Variants in UBE3A observed in about 807,000 individuals in gnomAD.
UBE3A encodes ubiquitin-protein ligase E3A.
UBE3A carries 6 observed loss-of-function variants against 83.4 expected under a neutral mutation model. That is an observed-to-expected ratio of 0.07 (90% CI 0.04 to 0.14). The LOEUF (loss-of-function observed/expected upper bound fraction) is 0.14. Ranked by LOEUF, UBE3A falls within the 10% of genes least tolerant of loss-of-function variation. The pLI is 1.00. For synonymous variants in UBE3A, 337 were observed against 355.4 expected (o/e 0.95, Z 0.58); for missense variants, 456 against 1,036.1 (o/e 0.44, Z 7.69).
intron 1 of UBE3A, among the ~76,000 whole-genome samples, chr15:25,423,984 GTCTACCAA>G (rs1194049715): frequency 6.6e-6 from 1 of 152,146 alleles, no homozygotes; most frequent in East Asian, 1.9e-4. Flanking sequence ...TGTACTAATG[GTCTACCAA>G]TTGGTCTGTT....
Position 25,361,585 on chromosome 15 carries a change from T to C in UBE3A, c.1609-1058A>G, listed in dbSNP as rs569662733. ...ACTAGATTCCAATATTAACTGTTTA[T>C]ACTGCATTTTGTTTGTTTTACTTTA... On this transcript the variant is annotated intron_variant, in intron 6 of 12. Coordinates refer to ENST00000648336, the MANE Select transcript of UBE3A (RefSeq NM_130839.5). Among the ~76,000 whole-genome samples, 653 of 152,330 alleles carry C rather than the reference T, an allele frequency of 4.3e-3. 2 individuals are homozygous for C. Among genetic ancestry groups the C allele is most frequent in the African/African-American group, 0.015 (632 of 41,576 alleles).
At chr15:25,427,310 CT>C (rs1891607651) in intron 1 of UBE3A, among the ~76,000 whole-genome samples, 1 of 151,862 alleles carries the variant, frequency 6.6e-6, no homozygotes, top group Admixed American at 6.6e-5. Flanking sequence ...AAGAAAGACT[CT>C]CAAGGAAGGC....
rs1595339512 is a variant in UBE3A at position 25,337,191 on chromosome 15, T to C, written c.*1946A>G. 6.6e-6 allele frequency: 1 copy of C among 152,304 alleles called. No homozygotes were observed. Among genetic ancestry groups the C allele is most frequent in the East Asian group, 1.9e-4 (1 of 5,188 alleles). 9.4% of individuals were successfully genotyped at this position (152,304 alleles called of 1,614,324 possible). ...TTGTCATATGGATACGTTATTACAA[T>C]TGTAGAACTTTAATAAATACCATAA... On this transcript the variant is annotated 3_prime_UTR_variant, in exon 13 of 13. Coordinates refer to ENST00000648336, the MANE Select transcript of UBE3A (RefSeq NM_130839.5).
rs1453158915 is a variant in UBE3A at position 25,364,035 on chromosome 15, C to CAAA, written c.1609-3509_1609-3508insTTT. Among the ~76,000 whole-genome samples the CAAA allele has an allele frequency of 4.6e-4, 22 of 47,752 alleles. No homozygotes were observed. The East Asian group carries it at 8.4e-3, about 18-fold the overall frequency. 31.3% of individuals were successfully genotyped at this position (47,752 alleles called of 152,430 possible). A position where few individuals can be genotyped will look rare whatever the true frequency, so the allele number is the denominator to read the frequency against. The stretch of plus-strand genomic sequence containing the variant: ...GATGAAACCTTGTTTCTACAAAAAA[C>CAAA]TAATAAATAAATAAATAAATAAATA... On this transcript the variant is annotated intron_variant, in intron 6 of 12. Transcript: ENST00000648336.
At chr15:25,408,482 A>G in intron 3 of UBE3A, 1 of 1,178,380 alleles carries the variant, frequency 8.5e-7, no homozygotes, top group Non-Finnish European at 1.2e-6. Flanking sequence ...ATAACCAAAT[A>G]ACATTGGATA....
rs1011038694 is a variant in UBE3A at position 25,396,022 on chromosome 15, G to A, written c.62+9439C>T. Among the ~76,000 whole-genome samples, 5 of 152,156 alleles carry A rather than the reference G, an allele frequency of 3.3e-5. No homozygotes were observed. The East Asian group carries it at 9.7e-4, about 30-fold the overall frequency. On this transcript the variant is annotated intron_variant, in intron 4 of 12. Coordinates refer to ENST00000648336, the MANE Select transcript of UBE3A (RefSeq NM_130839.5). The stretch of plus-strand genomic sequence containing the variant: ...GTTCAAGACCAGCCTGGCCAATATG[G>A]TGAAACTCTGTCTCTACTAAAAATA...
intron 9 of UBE3A, 110 bp downstream of exon 9, chr15:25,355,782 T>C (rs1440125497): frequency 6.3e-6 from 7 of 1,106,300 alleles, no homozygotes; most frequent in Non-Finnish European, 9.1e-6. Flanking sequence ...ACTTAGTTAC[T>C]TGTTTTTTTT....
chr15:25,408,838 C>A, intron 3 of UBE3A: 1 of 806,278 alleles, frequency 1.2e-6, no homozygotes, highest in Non-Finnish European at 1.8e-6. Flanking sequence ...ATGTTTAAAA[C>A]CTTGAAGTTT....
intron 8 of UBE3A, among the ~76,000 whole-genome samples, chr15:25,356,265 C>G (rs2077196317): frequency 6.6e-6 from 1 of 151,756 alleles, no homozygotes; most frequent in Admixed American, 6.6e-5. Flanking sequence ...GCTGAGAAAC[C>G]CCATACCACC....
chr15:25,432,027 G>C (rs1399325668), intron 1 of UBE3A, among the ~76,000 whole-genome samples: 3 of 152,130 alleles, frequency 2.0e-5, no homozygotes, highest in Non-Finnish European at 4.4e-5. Context: ...GCTTTCTAAA[G>C]AACAGCATTA....
At chr15:25,394,880 T>G (rs2085206048) in intron 4 of UBE3A, among the ~76,000 whole-genome samples, 1 of 152,210 alleles carries the variant, frequency 6.6e-6, no homozygotes, top group Admixed American at 6.5e-5. Flanking sequence ...TGCCAGGCAC[T>G]GTCATTAGGC....
chr15:25,346,301 G>A (rs983210288), intron 11 of UBE3A: 4 of 152,516 alleles, frequency 2.6e-5, no homozygotes, highest in East Asian at 1.9e-4. Flanking sequence ...AGCCCCAGTG[G>A]ACTGAGATAA....
chr15:25,429,810 G>A (rs1212958264), intron 1 of UBE3A, among the ~76,000 whole-genome samples: 1 of 151,500 alleles, frequency 6.6e-6, no homozygotes, highest in African/African-American at 2.4e-5. Context: ...TTTGAAACCA[G>A]CATGGCCAAC....
intron 1 of UBE3A, chr15:25,418,373 GGGAACTGAAAACAGCCT>G (rs979600605): frequency 6.6e-6 from 1 of 152,102 alleles, no homozygotes; most frequent in East Asian, 1.9e-4. Flanking sequence ...TATAATAGCT[GGGAACTGAAAACAGCCT>G]GGAACTGAAA....
chr15:25,390,586 T>TA (rs1344758453), intron 4 of UBE3A, among the ~76,000 whole-genome samples: 1 of 152,004 alleles, frequency 6.6e-6, no homozygotes, highest in Non-Finnish European at 1.5e-5. Context: ...AAGGCAAAGT[T>TA]AGAGACACAG....
intron 3 of UBE3A, 193 bp from the exon 4 acceptor site, chr15:25,405,695 G>A: frequency 1.6e-6 from 1 of 612,054 alleles, no homozygotes; most frequent in Non-Finnish European, 2.9e-6. Context: ...TTTAAGGGTT[G>A]GACTATTAAA....
At chr15:25,406,456 T>C (rs927621129) in intron 3 of UBE3A, among the ~76,000 whole-genome samples, 1 of 152,178 alleles carries the variant, frequency 6.6e-6, no homozygotes, top group Non-Finnish European at 1.5e-5. Flanking sequence ...TTTCACGAGA[T>C]ATGAATCAGT....
At chr15:25,409,053 A>C in intron 3 of UBE3A, 35 bp downstream of exon 3, 1 of 1,569,110 alleles carries the variant, frequency 6.4e-7, no homozygotes, top group Non-Finnish European at 8.7e-7. Context: ...TTACAATGAC[A>C]GCCTTTTAAA....
chr15:25,406,856 G>GAAAAAAAA (rs11413336), intron 3 of UBE3A, among the ~76,000 whole-genome samples: 23 of 114,572 alleles, frequency 2.0e-4, no homozygotes, highest in East Asian at 3.3e-4. Context: ...AATGGAAAAG[G>GAAAAAAAA]AAAAAAAAAA....
Sources: gnomAD v4.1 joint callset for allele counts (sites outside exome capture counted in the v4.1 genomes callset) on GRCh38, gnomAD v4.1.1 for gene constraint, MANE v1.5 for transcripts, NCBI Gene and HGNC (gene_info 2026-07-23, HGNC 2026-07-21) for gene names.